PRIM2: variants seen among roughly 807,000 people sequenced by gnomAD.
PRIM2 encodes DNA primase subunit 2.
PRIM2 carries 39 observed loss-of-function variants against 67.3 expected under a neutral mutation model. The ratio of observed to expected loss-of-function variants is 0.58; its 90% CI spans 0.45 to 0.76. The LOEUF is 0.76. PRIM2 is among the 30% of genes least tolerant of loss of function. PRIM2 has a pLI of 0.00. For synonymous variants in PRIM2, 143 were observed against 198.7 expected (o/e 0.72, Z 2.36); for missense variants, 398 against 598.7 (o/e 0.66, Z 3.50).
chr6:57,353,778 G>T (rs1768934394), intron 5 of PRIM2, among the ~76,000 whole-genome samples: 1 of 152,130 alleles, frequency 6.6e-6, no homozygotes, highest in Admixed American at 6.5e-5. Flanking sequence ...AGAAACTGGG[G>T]TTTAATAGAC....
At chr6:57,456,306 G>A (rs1227011143) in intron 7 of PRIM2, among the ~76,000 whole-genome samples, 1 of 152,174 alleles carries the variant, frequency 6.6e-6, no homozygotes, top group Non-Finnish European at 1.5e-5. Flanking sequence ...GGCATTCTCT[G>A]TGTTTCCTGA....
intron 10 of PRIM2, among the ~76,000 whole-genome samples, chr6:57,560,717 G>A (rs1775608849): frequency 6.6e-6 from 1 of 151,698 alleles, no homozygotes; most frequent in Non-Finnish European, 1.5e-5. Flanking sequence ...TGGGTGACTA[G>A]GTGCATTGTC....
At chr6:57,586,888 A>G (rs1361268190) in intron 10 of PRIM2, 13 of 152,254 alleles carry the variant, frequency 8.5e-5, no homozygotes, top group Non-Finnish European at 1.6e-4. Context: ...AGGAAAAGTC[A>G]TAGTGAAGGC....
chr6:57,233,589 T>TTCCCTCCTCCCCCTCCCTCCCTCCC, the PRIM2 span, among the ~76,000 whole-genome samples: 1 of 147,002 alleles, frequency 6.8e-6, no homozygotes, highest in African/African-American at 2.5e-5. Context: ...TCTTTCCTCC[T>TTCCCTCCTCCCCCTCCCTCCCTCCC]TCCCTCCTCC....
intron 10 of PRIM2, among the ~76,000 whole-genome samples, chr6:57,562,050 G>T (rs1775642786): frequency 6.6e-6 from 1 of 152,148 alleles, no homozygotes; most frequent in African/African-American, 2.4e-5. Flanking sequence ...AGTTGGTGGA[G>T]CAGTCAGAAG....
At chr6:57,582,439 C>T (rs1377244114) in intron 10 of PRIM2, among the ~76,000 whole-genome samples, 2 of 152,056 alleles carry the variant, frequency 1.3e-5, no homozygotes, top group Non-Finnish European at 2.9e-5. Context: ...GAAAACTGGC[C>T]ATTTGAAAGC....
chr6:57,593,972 C>G (rs1352840921), intron 10 of PRIM2, among the ~76,000 whole-genome samples: 152 of 152,170 alleles, frequency 1.0e-3, no homozygotes, highest in Non-Finnish European at 1.2e-3. Context: ...CCAATATGTT[C>G]TTTCCCTATT....
chr6:57,563,000 T>C (rs1184453407), intron 10 of PRIM2, among the ~76,000 whole-genome samples: 1 of 152,174 alleles, frequency 6.6e-6, no homozygotes, highest in African/African-American at 2.4e-5. Context: ...GGGCCACTGT[T>C]TGGGCCAATT....
chr6:57,265,816 C>T, the PRIM2 span, among the ~76,000 whole-genome samples: 1 of 152,158 alleles, frequency 6.6e-6, no homozygotes, highest in South Asian at 2.1e-4. Context: ...GGTTCCTAGA[C>T]ACTGACTCAT....
intron 5 of PRIM2, among the ~76,000 whole-genome samples, chr6:57,327,565 C>T (rs1428556513): frequency 6.6e-6 from 1 of 152,244 alleles, no homozygotes; most frequent in Admixed American, 6.5e-5. Context: ...TTCTAAGTCA[C>T]ATCTACCTTT....
At chr6:57,307,060 G>T in the PRIM2 span, among the ~76,000 whole-genome samples, 3 of 151,606 alleles carry the variant, frequency 2.0e-5, no homozygotes, top group Non-Finnish European at 2.9e-5. Context: ...TTAGCTTGGC[G>T]TGGTGGCATG....
At chr6:57,617,013 T>A (rs1776768127) in intron 12 of PRIM2, among the ~76,000 whole-genome samples, 1 of 152,260 alleles carries the variant, frequency 6.6e-6, no homozygotes, top group Non-Finnish European at 1.5e-5. Context: ...CGTCCTTTGA[T>A]GGACACTGGG....
chr6:57,499,575 T>C (rs1347046367), intron 7 of PRIM2, among the ~76,000 whole-genome samples: 1 of 152,218 alleles, frequency 6.6e-6, no homozygotes, highest in African/African-American at 2.4e-5. Flanking sequence ...CATTAGACTA[T>C]ACCCTTTGGT....
intron 7 of PRIM2, among the ~76,000 whole-genome samples, chr6:57,482,836 C>T (rs1773663145): frequency 6.6e-6 from 1 of 152,146 alleles, no homozygotes. Context: ...GTCTACCAAA[C>T]ACAAGGATTT....
At chr6:57,374,437 G>C (rs539079898) in intron 5 of PRIM2, among the ~76,000 whole-genome samples, 68 of 150,198 alleles carry the variant, frequency 4.5e-4, no homozygotes, top group African/African-American at 1.7e-3. Flanking sequence ...GGGACTACAG[G>C]CGCGCGCCAC....
At chr6:57,276,342 G>C in the PRIM2 span, among the ~76,000 whole-genome samples, 17 of 152,242 alleles carry the variant, frequency 1.1e-4, no homozygotes, top group African/African-American at 3.1e-4. Flanking sequence ...AGTGAGCTGA[G>C]ATCATGCCAC....
At chr6:57,367,054 C>T (rs1769385394) in intron 5 of PRIM2, among the ~76,000 whole-genome samples, 1 of 151,632 alleles carries the variant, frequency 6.6e-6, no homozygotes, top group African/African-American at 2.4e-5. Flanking sequence ...ATTAAAAAAA[C>T]AGTAATAAAG....
intron 5 of PRIM2, among the ~76,000 whole-genome samples, chr6:57,341,201 T>G (rs906463517): frequency 1.3e-5 from 2 of 152,140 alleles, no homozygotes; most frequent in Non-Finnish European, 1.5e-5. Context: ...CTATTTTGAT[T>G]TTTCTAGTTC....
intron 4 of PRIM2, among the ~76,000 whole-genome samples, chr6:57,325,432 C>T (rs1294018424): frequency 3.3e-5 from 5 of 151,752 alleles, no homozygotes; most frequent in Non-Finnish European, 5.9e-5. Context: ...TCCTGAGGAG[C>T]TGGGACTATA....
Sources: gnomAD v4.1 joint callset for allele counts (sites outside exome capture counted in the v4.1 genomes callset) on GRCh38, gnomAD v4.1.1 for gene constraint, MANE v1.5 for transcripts, NCBI Gene and HGNC (gene_info 2026-07-23, HGNC 2026-07-21) for gene names.